Variants in CLEC16A observed in about 807,000 individuals in gnomAD.
The protein encoded by CLEC16A is protein CLEC16A.
CLEC16A carries 51 observed loss-of-function variants against 109.5 expected under a neutral mutation model. The observed-to-expected ratio is 0.47, with a 90% CI of 0.37 to 0.59. The LOEUF (loss-of-function observed/expected upper bound fraction) is 0.59, where lower values mean the gene tolerates loss of function less well. Ranked by LOEUF, CLEC16A falls within the 20% of genes least tolerant of loss-of-function variation. The probability of loss-of-function intolerance (pLI) is 0.00; values close to 1 mark genes in which losing one functional copy is unlikely to be tolerated. For synonymous variants in CLEC16A, 673 were observed against 564.2 expected (o/e 1.19, Z -2.73); for missense variants, 1,339 against 1,394.0 (o/e 0.96, Z 0.63).
At chr16:11,079,318 A>G (rs1010045989) in intron 19 of CLEC16A, among the ~76,000 whole-genome samples, 1 of 152,230 alleles carries the variant, frequency 6.6e-6, no homozygotes, top group Non-Finnish European at 1.5e-5. Context: ...TGTCCAGGCC[A>G]GAGTCAGCCA....
intron 10 of CLEC16A, among the ~76,000 whole-genome samples, chr16:10,995,916 A>G (rs1223207946): frequency 6.6e-6 from 1 of 152,110 alleles, no homozygotes; most frequent in African/African-American, 2.4e-5. Context: ...GGCCTAGGAG[A>G]GCCTGGAAGG....
At chr16:11,001,616 T>C (rs976103480) in intron 10 of CLEC16A, among the ~76,000 whole-genome samples, 5 of 152,164 alleles carry the variant, frequency 3.3e-5, no homozygotes, top group Admixed American at 1.3e-4. Context: ...ATGGTTGTTA[T>C]AAAGACTGAG....
intron 19 of CLEC16A, among the ~76,000 whole-genome samples, chr16:11,119,412 A>C (rs1397556484): frequency 6.6e-6 from 1 of 151,948 alleles, no homozygotes; most frequent in Non-Finnish European, 1.5e-5. Context: ...GTTTGTTTTG[A>C]GACCAGGTCT....
intron 19 of CLEC16A, chr16:11,070,666 A>C (rs1408663841): frequency 6.6e-6 from 1 of 152,204 alleles, no homozygotes; most frequent in Non-Finnish European, 1.5e-5. Flanking sequence ...CTCCCATGCC[A>C]GTCTGAATAA....
At position 11,012,686 on chromosome 16, in the gene CLEC16A, A is replaced by G. The variant is rs139788321; in HGVS notation, c.1304-7507A>G. Among the ~76,000 whole-genome samples the G allele has an allele frequency of 7.8e-3, 1,186 of 152,182 alleles. 22 individuals carry two copies. Among genetic ancestry groups the G allele is most frequent in the African/African-American group, 0.027 (1,135 of 41,502 alleles). ...ATTTTTGGTGAATTAATGAATGAACAGCAGTCATGGTGGTGGTGGGTTAAA... is the reference window on the plus strand; with the variant it reads ...ATTTTTGGTGAATTAATGAATGAACGGCAGTCATGGTGGTGGTGGGTTAAA... On this transcript the variant is annotated intron_variant, in intron 11 of 23. Transcript: ENST00000409790.
chr16:10,944,674 C>T lies in CLEC16A; in HGVS notation c.-44C>T. 1.3e-6 allele frequency: 2 copies of T among 1,557,634 alleles called. No homozygotes were observed. The highest frequency in any genetic ancestry group is 1.7e-6 in the Non-Finnish European group (2 of 1,143,668). On this transcript the variant is annotated 5_prime_UTR_variant, in exon 1 of 24. Coordinates refer to ENST00000409790, the MANE Select transcript of CLEC16A (RefSeq NM_015226.3). ...GCGGGCGCTGGGCCGCTCTGCTGGTCCGGCATGAGACCGTGAGACGAGAGA... is the reference window on the plus strand; with the variant it reads ...GCGGGCGCTGGGCCGCTCTGCTGGTTCGGCATGAGACCGTGAGACGAGAGA...
At chr16:11,007,611 A>T (rs936735807) in intron 11 of CLEC16A, among the ~76,000 whole-genome samples, 1 of 152,196 alleles carries the variant, frequency 6.6e-6, no homozygotes, top group African/African-American at 2.4e-5. Context: ...AGCATGTGAC[A>T]CAGGAGCTTT....
At chr16:11,168,260 G>T (rs2068356668) in intron 23 of CLEC16A, among the ~76,000 whole-genome samples, 1 of 152,070 alleles carries the variant, frequency 6.6e-6, no homozygotes, top group South Asian at 2.1e-4. Flanking sequence ...GCCTCCCTCA[G>T]CCCCTCTGTC....
At chr16:11,092,811 G>A (rs1226369486) in intron 19 of CLEC16A, among the ~76,000 whole-genome samples, 4 of 152,100 alleles carry the variant, frequency 2.6e-5, no homozygotes, top group African/African-American at 4.8e-5. Context: ...TGTGGGCCTC[G>A]GTTTCCTCTT....
Position 10,967,098 on chromosome 16 carries a change from A to G in CLEC16A, c.344-2063A>G, listed in dbSNP as rs576451265. Among the ~76,000 whole-genome samples, 56 of 152,332 alleles carry G rather than the reference A, an allele frequency of 3.7e-4. No homozygotes were observed. In the Middle Eastern group the frequency reaches 0.01, roughly 28 times the overall value. Reference sequence around the variant, plus strand: ...TGAAAACTGCTCTTCTAAGACTACAAACCGCACAGCCTGTCTGCCATGCCT... The same window carrying G: ...TGAAAACTGCTCTTCTAAGACTACAGACCGCACAGCCTGTCTGCCATGCCT... On this transcript the variant is annotated intron_variant, in intron 3 of 23. Coordinates refer to ENST00000409790, the MANE Select transcript of CLEC16A (RefSeq NM_015226.3).
intron 7 of CLEC16A, among the ~76,000 whole-genome samples, chr16:10,975,376 G>C (rs1382311621): frequency 6.6e-6 from 1 of 152,066 alleles, no homozygotes; most frequent in Non-Finnish European, 1.5e-5. Context: ...GCCAGGAGCT[G>C]CTCTTTTTCA....
At chr16:10,962,937 T>C (rs1466281399) in intron 3 of CLEC16A, among the ~76,000 whole-genome samples, 1 of 152,042 alleles carries the variant, frequency 6.6e-6, no homozygotes, top group East Asian at 1.9e-4. Context: ...TGTGCACATG[T>C]AGTCCCAGCT....
At chr16:11,170,616 C>T (rs12445879) in intron 23 of CLEC16A, among the ~76,000 whole-genome samples, 20,166 of 152,210 alleles carry the variant, frequency 0.13, 1,718 homozygotes, top group Admixed American at 0.26. Flanking sequence ...CCGGCCCACA[C>T]GTGGCCTTCC....
intron 22 of CLEC16A, among the ~76,000 whole-genome samples, chr16:11,129,753 G>T (rs1472483451): frequency 1.4e-5 from 2 of 146,988 alleles, no homozygotes; most frequent in African/African-American, 5.3e-5. Context: ...CACTGCATTG[G>T]CCTGGTTCCT....
At chr16:10,959,014 GGT>G (rs59658260) in intron 2 of CLEC16A, among the ~76,000 whole-genome samples, 28,912 of 146,040 alleles carry the variant, frequency 0.2, 2,963 homozygotes, top group Middle Eastern at 0.33. Flanking sequence ...ACTAAACACG[GGT>G]GTGTGTGTGT....
At chr16:11,001,820 T>C (rs771148189) in intron 10 of CLEC16A, among the ~76,000 whole-genome samples, 5 of 152,156 alleles carry the variant, frequency 3.3e-5, no homozygotes, top group Admixed American at 3.3e-4. Context: ...TCTGACTTTT[T>C]AAAGGAAGAA....
At chr16:11,027,315 G>C in intron 13 of CLEC16A, 1 of 1,471,626 alleles carries the variant, frequency 6.8e-7, no homozygotes, top group Non-Finnish European at 9.4e-7. Context: ...AAGGATTGAT[G>C]GCGTGAGTTT....
chr16:11,033,396 G>A (rs1321899265), intron 13 of CLEC16A, among the ~76,000 whole-genome samples: 1 of 152,186 alleles, frequency 6.6e-6, no homozygotes. Flanking sequence ...CATGGGCCTT[G>A]GAGTAGGTTT....
intron 13 of CLEC16A, 97 bp from the exon 14 acceptor site, chr16:11,039,657 G>A (rs1387392973): frequency 3.7e-6 from 5 of 1,333,488 alleles, no homozygotes; most frequent in East Asian, 5.3e-5. Context: ...GAACATATGT[G>A]GCTGAAGTTG....
Sources: gnomAD v4.1 joint callset for allele counts (sites outside exome capture counted in the v4.1 genomes callset) on GRCh38, gnomAD v4.1.1 for gene constraint, MANE v1.5 for transcripts, NCBI Gene and HGNC (gene_info 2026-07-23, HGNC 2026-07-21) for gene names.